Variants in RETREG3 observed in about 807,000 individuals in gnomAD.
RETREG3 encodes reticulophagy regulator 3.
In RETREG3, 23 loss-of-function variants were observed where a neutral mutation model predicts 50.2. The ratio of observed to expected loss-of-function variants is 0.46; its 90% CI spans 0.33 to 0.65. The LOEUF is 0.65. Ranked by LOEUF, RETREG3 falls within the 30% of genes least tolerant of loss-of-function variation. The probability of loss-of-function intolerance (pLI) is 0.02; values close to 1 mark genes in which losing one functional copy is unlikely to be tolerated. For synonymous variants in RETREG3, 240 were observed against 234.4 expected, an observed-to-expected ratio of 1.02 and a Z score of -0.22; for missense variants, 546 against 598.0, an observed-to-expected ratio of 0.91 and a Z score of 0.91.
At chr17:42,608,893 G>T in intron 1 of RETREG3, 193 bp downstream of exon 1, 1 of 595,416 alleles carries the variant, frequency 1.7e-6, no homozygotes, top group Non-Finnish European at 2.9e-6. Flanking sequence ...CAGAGAAGAT[G>T]GGTGGACGGC....
At chr17:42,585,016 A>T in intron 6 of RETREG3, 109 bp downstream of exon 6, 1 of 1,350,066 alleles carries the variant, frequency 7.4e-7, no homozygotes, top group Non-Finnish European at 1.0e-6. Context: ...ACCCCCACCA[A>T]CTACCCCCGA....
intron 1 of RETREG3, among the ~76,000 whole-genome samples, chr17:42,596,186 T>C (rs961283141): frequency 2.5e-4 from 38 of 150,224 alleles, no homozygotes; most frequent in Admixed American, 2.4e-3. Context: ...CTGGACAATA[T>C]AGTGAGACCC....
At chr17:42,603,267 A>C (rs1209567292) in intron 1 of RETREG3, among the ~76,000 whole-genome samples, 1 of 152,156 alleles carries the variant, frequency 6.6e-6, no homozygotes, top group Non-Finnish European at 1.5e-5. Context: ...TAATGACCAC[A>C]TGTCTATTTT....
chr17:42,598,472 A>C lies in RETREG3; in HGVS notation c.240-6310T>G, dbSNP rs554470286. ...CAGGATGAAATCCCATTACCCCGTC[A>C]TAAAAGGGCCTTCATGATCTGGATC... On this transcript the variant is annotated intron_variant, in intron 1 of 8. Coordinates refer to ENST00000309428, the MANE Select transcript of RETREG3 (RefSeq NM_178126.4). 1.3e-3 allele frequency among the ~76,000 whole-genome samples: 204 copies of C among 152,256 alleles called. 1 individual carries two copies. The highest frequency in any genetic ancestry group is 4.6e-3 in the African/African-American group (193 of 41,552).
chr17:42,589,766 C>T (rs750034133), intron 2 of RETREG3, among the ~76,000 whole-genome samples: 20 of 152,192 alleles, frequency 1.3e-4, no homozygotes, highest in African/African-American at 4.6e-4. Flanking sequence ...TCCTTATTCA[C>T]AGCTCTCCAG....
Position 42,587,913 on chromosome 17 carries a change from C to A in RETREG3, c.347-49G>T, listed in dbSNP as rs1325146405. ...GCATTAGTTGGTAGGGAAAACTAAACATGAAAATGTTAGGCTGTTGGTCTG... is the reference window on the plus strand; with the variant it reads ...GCATTAGTTGGTAGGGAAAACTAAAAATGAAAATGTTAGGCTGTTGGTCTG... On this transcript the variant is annotated intron_variant, in intron 2 of 8. Transcript: ENST00000309428. 5 of 1,609,012 alleles carry A rather than the reference C, an allele frequency of 3.1e-6. No individual in the cohort carries two copies. In the African/African-American group the frequency reaches 5.3e-5, roughly 17 times the overall value.
chr17:42,582,979 T>C (rs928519329), intron 7 of RETREG3, among the ~76,000 whole-genome samples, 173 bp from the exon 8 acceptor site: 1 of 150,628 alleles, frequency 6.6e-6, no homozygotes, highest in Non-Finnish European at 1.5e-5. Flanking sequence ...ATTTTTTTTT[T>C]AATCAATACA....
Position 42,581,784 on chromosome 17 carries a change from C to T in RETREG3, c.*29G>A. On this transcript the variant is annotated 3_prime_UTR_variant, in exon 9 of 9. Transcript: ENST00000309428. The stretch of plus-strand genomic sequence containing the variant: ...GGGATGGGGAGAAAAAAACCTAAAC[C>T]ACAGTGACTCCCAAAAGGAGTCTCT... 1 of 1,528,112 alleles carries T rather than the reference C, an allele frequency of 6.5e-7. No individual in the cohort carries two copies. Among genetic ancestry groups the T allele is most frequent in the Non-Finnish European group, 8.8e-7 (1 of 1,138,078 alleles). The allele number at this position is 1,528,112 out of a possible 1,614,324, so 94.7% of individuals were successfully genotyped here.
At chr17:42,609,388 C>A, upstream of RETREG3, 3 of 1,505,452 alleles carry the variant, frequency 2.0e-6, no homozygotes, top group South Asian at 1.2e-5. Flanking sequence ...AGCAACTGCG[C>A]AGATGCGCGA....
At chr17:42,582,975 T>C (rs539552411) in intron 7 of RETREG3, among the ~76,000 whole-genome samples, 169 bp from the exon 8 acceptor site, 8 of 152,260 alleles carry the variant, frequency 5.3e-5, no homozygotes, top group African/African-American at 1.9e-4. Context: ...CTTTATTTTT[T>C]TTTTAATCAA....
At chr17:42,599,147 G>A (rs929013562) in intron 1 of RETREG3, 1 of 152,174 alleles carries the variant, frequency 6.6e-6, no homozygotes, top group African/African-American at 2.4e-5. Context: ...CTGCTGCTGG[G>A]GAAGGGAAGC....
intron 2 of RETREG3, among the ~76,000 whole-genome samples, chr17:42,590,573 A>G (rs1342987548): frequency 6.6e-6 from 1 of 151,468 alleles, no homozygotes; most frequent in African/African-American, 2.4e-5. Flanking sequence ...TCAGGTGGCT[A>G]AGGTGGGAGA....
At chr17:42,585,476 T>C (rs1256616814) in intron 5 of RETREG3, among the ~76,000 whole-genome samples, 2 of 152,202 alleles carry the variant, frequency 1.3e-5, no homozygotes, top group African/African-American at 4.8e-5. Context: ...TACTGCAGGG[T>C]TGTGCACAGC....
At chr17:42,594,136 C>T (rs911820362) in intron 1 of RETREG3, among the ~76,000 whole-genome samples, 4 of 152,188 alleles carry the variant, frequency 2.6e-5, no homozygotes, top group Non-Finnish European at 5.9e-5. Flanking sequence ...TTGCAGTGAG[C>T]GGAGATCGCA....
intron 1 of RETREG3, among the ~76,000 whole-genome samples, chr17:42,606,452 T>C (rs964584089): frequency 2.0e-5 from 3 of 151,256 alleles, no homozygotes; most frequent in Non-Finnish European, 4.4e-5. Context: ...ATACAAAAAA[T>C]TAGCCGGGCG....
intron 1 of RETREG3, among the ~76,000 whole-genome samples, chr17:42,600,880 G>T: frequency 6.6e-6 from 1 of 152,128 alleles, no homozygotes; most frequent in South Asian, 2.1e-4. Flanking sequence ...TCAGCCATGA[G>T]GTGGAATGAT....
intron 1 of RETREG3, among the ~76,000 whole-genome samples, chr17:42,595,081 T>C (rs1470241697): frequency 1.4e-5 from 2 of 144,358 alleles, no homozygotes; most frequent in East Asian, 4.9e-4. Context: ...TTCTCCTGCC[T>C]CAGCCTCCCG....
chr17:42,591,810 G>C (rs1294542038), intron 2 of RETREG3, among the ~76,000 whole-genome samples: 1 of 152,010 alleles, frequency 6.6e-6, no homozygotes, highest in Admixed American at 6.6e-5. Flanking sequence ...CATTATGTTG[G>C]CAAAAATAAC....
chr17:42,581,058 G>GA lies in RETREG3; in HGVS notation c.*754dup, dbSNP rs2093107151. 1 of 141,832 alleles carries GA rather than the reference G, an allele frequency of 7.1e-6. No individual in the cohort carries two copies. Among genetic ancestry groups the GA allele is most frequent in the African/African-American group, 2.6e-5 (1 of 38,440 alleles). The allele number at this position is 141,832 out of a possible 1,614,324, so 8.8% of individuals were successfully genotyped here. On this transcript the variant is annotated 3_prime_UTR_variant, in exon 9 of 9. Transcript: ENST00000309428. Reference sequence around the variant, plus strand: ...TGTCTCAAAAAAAAAAAAAAGAAAAGAAAAGAAAAGAAAAAAATCAAATCC... The same window carrying GA: ...TGTCTCAAAAAAAAAAAAAAGAAAAGAAAAAGAAAAGAAAAAAATCAAATCC...
Sources: allele counts gnomAD v4.1 joint callset (sites outside exome capture counted in the v4.1 genomes callset), GRCh38; gene constraint gnomAD v4.1.1; transcripts MANE v1.5; gene names NCBI Gene and HGNC (gene_info 2026-07-23, HGNC 2026-07-21).